HS3ST3A1: variants seen among roughly 807,000 people sequenced by gnomAD.
HS3ST3A1 encodes the protein heparan sulfate glucosamine 3-O-sulfotransferase 3A1.
A neutral mutation model predicts 25.7 loss-of-function variants in HS3ST3A1; 19 were observed. The ratio of observed to expected loss-of-function variants is 0.74; its 90% CI spans 0.52 to 1.08. The LOEUF (loss-of-function observed/expected upper bound fraction) is 1.08. HS3ST3A1 is among the 50% of genes least tolerant of loss of function. The pLI is 0.00. For synonymous variants in HS3ST3A1, 226 were observed against 278.6 expected (o/e 0.81, Z 1.88); for missense variants, 459 against 594.3 (o/e 0.77, Z 2.37).
chr17:13,536,156 G>A (rs931910618), intron 1 of HS3ST3A1, among the ~76,000 whole-genome samples: 3 of 152,152 alleles, frequency 2.0e-5, no homozygotes, highest in Non-Finnish European at 4.4e-5. Context: ...TCTCCCAGAA[G>A]TTCAACTTCA....
At chr17:13,496,930 A>C in intron 1 of HS3ST3A1, 112 bp from the exon 2 acceptor site, 4 of 1,415,920 alleles carry the variant, frequency 2.8e-6, no homozygotes, top group Non-Finnish European at 2.9e-6. Flanking sequence ...GCAACCCCCC[A>C]CTTGCTAGAC....
chr17:13,518,942 T>C (rs1201494301), intron 1 of HS3ST3A1, among the ~76,000 whole-genome samples: 1 of 152,250 alleles, frequency 6.6e-6, no homozygotes, highest in Non-Finnish European at 1.5e-5. Context: ...TGTTATTGTA[T>C]GTCTCTGAGG....
intron 1 of HS3ST3A1, among the ~76,000 whole-genome samples, chr17:13,589,239 A>C (rs1567631435): frequency 1.3e-5 from 2 of 152,206 alleles, no homozygotes. Flanking sequence ...TCAGAGGACA[A>C]GGCACTAGGA....
chr17:13,511,171 C>T (rs1018990577), intron 1 of HS3ST3A1, among the ~76,000 whole-genome samples: 1 of 152,206 alleles, frequency 6.6e-6, no homozygotes, highest in Non-Finnish European at 1.5e-5. Context: ...CCACAAATTG[C>T]ATACACACAC....
chr17:13,506,035 A>AAAAG (rs1248417856), intron 1 of HS3ST3A1, among the ~76,000 whole-genome samples: 3 of 151,218 alleles, frequency 2.0e-5, no homozygotes, highest in African/African-American at 7.3e-5. Flanking sequence ...TCAAAAAAAA[A>AAAAG]AAAAAAAAAA....
At chr17:13,594,007 C>G (rs186004737) in intron 1 of HS3ST3A1, among the ~76,000 whole-genome samples, 1 of 152,090 alleles carries the variant, frequency 6.6e-6, no homozygotes, top group Non-Finnish European at 1.5e-5. Context: ...GATAGCTTAG[C>G]GGTCTTGGCG....
chr17:13,515,004 T>G (rs373824525), intron 1 of HS3ST3A1, among the ~76,000 whole-genome samples: 1 of 152,222 alleles, frequency 6.6e-6, no homozygotes, highest in African/African-American at 2.4e-5. Context: ...AACTAGTACT[T>G]ACATTTTATG....
At chr17:13,596,815 A>C (rs1908590578) in intron 1 of HS3ST3A1, among the ~76,000 whole-genome samples, 1 of 152,136 alleles carries the variant, frequency 6.6e-6, no homozygotes, top group South Asian at 2.1e-4. Flanking sequence ...GGGAAACTGC[A>C]CATGGAGGGA....
rs189162989 is a variant in HS3ST3A1 at position 13,550,840 on chromosome 17, G to A, written c.599+49691C>T. ...TCCCAGCACTTTGGGAGGCCAAGGC[G>A]GGCAGATCTCGATGTCCGAAGATCG... On this transcript the variant is annotated intron_variant, in intron 1 of 1. Transcript: ENST00000284110. 2.8e-3 allele frequency among the ~76,000 whole-genome samples: 430 copies of A among 152,244 alleles called. 2 individuals are homozygous for A. Among genetic ancestry groups the A allele is most frequent in the African/African-American group, 9.6e-3 (397 of 41,544 alleles).
chr17:13,539,121 C>T (rs1906853800), intron 1 of HS3ST3A1, among the ~76,000 whole-genome samples: 1 of 152,128 alleles, frequency 6.6e-6, no homozygotes, highest in Non-Finnish European at 1.5e-5. Flanking sequence ...CTGGGCCTCT[C>T]CTCAGCAGGG....
rs202098377 is a variant in HS3ST3A1, at chr17:13,577,867, G to GGTGTGT, written c.599+22658_599+22663dup. Among the ~76,000 whole-genome samples, 749 of 151,182 alleles carry GGTGTGT rather than the reference G, an allele frequency of 5.0e-3. 9 individuals carry two copies. Among genetic ancestry groups the GGTGTGT allele is most frequent in the African/African-American group, 0.015 (619 of 41,166 alleles). ...ACAAGAAATTTTGGTAGCAGTTTCT[G>GGTGTGT]GTGTGTGTGTGTGTGTGTGTGTCAA... On this transcript the variant is annotated intron_variant, in intron 1 of 1. Coordinates refer to ENST00000284110, the MANE Select transcript of HS3ST3A1 (RefSeq NM_006042.3).
At chr17:13,548,782 G>A (rs1907160402) in intron 1 of HS3ST3A1, among the ~76,000 whole-genome samples, 1 of 152,058 alleles carries the variant, frequency 6.6e-6, no homozygotes, top group Non-Finnish European at 1.5e-5. Flanking sequence ...CTAGCTAAAG[G>A]TTTATAAACA....
intron 1 of HS3ST3A1, among the ~76,000 whole-genome samples, chr17:13,586,673 C>T (rs895191680): frequency 1.7e-4 from 25 of 150,952 alleles, no homozygotes; most frequent in Non-Finnish European, 1.5e-5. Context: ...TGCAACCATC[C>T]TGGCTAACAC....
intron 1 of HS3ST3A1, among the ~76,000 whole-genome samples, chr17:13,560,164 C>A (rs943553742): frequency 4.8e-4 from 73 of 151,272 alleles, no homozygotes; most frequent in African/African-American, 1.7e-3. Context: ...GTGGCACATG[C>A]CTGTAATGCC....
chr17:13,516,598 G>T (rs573483138), intron 1 of HS3ST3A1, among the ~76,000 whole-genome samples: 1 of 152,136 alleles, frequency 6.6e-6, no homozygotes, highest in Non-Finnish European at 1.5e-5. Context: ...CACGCTTCTT[G>T]TTGAGATTAT....
intron 1 of HS3ST3A1, among the ~76,000 whole-genome samples, chr17:13,526,530 G>C (rs1170657761): frequency 7.3e-6 from 1 of 136,638 alleles, no homozygotes; most frequent in Non-Finnish European, 1.6e-5. Context: ...GGGTTGGTCT[G>C]TGATTAATTT....
intron 1 of HS3ST3A1, among the ~76,000 whole-genome samples, chr17:13,584,451 G>GGA (rs1567629917): frequency 7.0e-5 from 10 of 143,600 alleles, no homozygotes; most frequent in African/African-American, 1.0e-4. Context: ...AAGAGAGAGA[G>GGA]AGGAAGGAAG....
intron 1 of HS3ST3A1, among the ~76,000 whole-genome samples, chr17:13,599,432 T>C (rs1481251461): frequency 6.6e-6 from 1 of 152,204 alleles, no homozygotes; most frequent in Non-Finnish European, 1.5e-5. Flanking sequence ...GGATGAATGA[T>C]TAATTTAATG....
intron 1 of HS3ST3A1, among the ~76,000 whole-genome samples, chr17:13,592,808 A>G (rs1908464316): frequency 6.6e-6 from 1 of 152,184 alleles, no homozygotes. Context: ...GCCCAGATAA[A>G]CATAACTGTG....
Sources: gnomAD v4.1 joint callset for allele counts (sites outside exome capture counted in the v4.1 genomes callset) on GRCh38, gnomAD v4.1.1 for gene constraint, MANE v1.5 for transcripts, NCBI Gene and HGNC (gene_info 2026-07-23, HGNC 2026-07-21) for gene names.